Variants in ABTB2 observed in about 807,000 individuals in gnomAD.
ABTB2 encodes ankyrin repeat and BTB/POZ domain-containing protein 2.
ABTB2 carries 56 observed loss-of-function variants against 104.1 expected under a neutral mutation model. That is an observed-to-expected ratio of 0.54 (90% CI 0.43 to 0.67). The LOEUF is 0.67. Ranked by LOEUF, ABTB2 falls within the 30% of genes least tolerant of loss-of-function variation. ABTB2 has a pLI of 0.00. For missense variants in ABTB2, 1,279 were observed against 1,407.7 expected, an observed-to-expected ratio of 0.91 and a Z score of 1.46; for synonymous variants, 606 against 608.2, an observed-to-expected ratio of 1.00 and a Z score of 0.05.
At chr11:34,308,368 T>TTTAG (rs576682064) in intron 1 of ABTB2, among the ~76,000 whole-genome samples, 304 of 152,314 alleles carry the variant, frequency 2.0e-3, no homozygotes, top group African/African-American at 6.6e-3. Context: ...AAATGACAGC[T>TTTAG]AACAGCATTA....
rs368247515 is a variant in ABTB2, at chr11:34,341,253, C to T, written c.883+15448G>A. ...AAACAACTTGAGAGGGGCTAAGTGA[C>T]TTGCCTGAGGCCACGCAGCTTGGAA... On this transcript the variant is annotated intron_variant, in intron 1 of 16. Transcript: ENST00000435224. Among the ~76,000 whole-genome samples, 33 of 152,342 alleles carry T rather than the reference C, an allele frequency of 2.2e-4. No individual in the cohort carries two copies. The South Asian group carries it at 6.8e-3, about 32-fold the overall frequency.
chr11:34,226,814 C>A (rs1179330548), intron 1 of ABTB2, among the ~76,000 whole-genome samples: 1 of 152,078 alleles, frequency 6.6e-6, no homozygotes, highest in African/African-American at 2.4e-5. Context: ...ACCTGTAATC[C>A]CAGCACTTTG....
intron 6 of ABTB2, among the ~76,000 whole-genome samples, chr11:34,167,636 G>T (rs940113752): frequency 6.6e-6 from 1 of 152,182 alleles, no homozygotes; most frequent in Non-Finnish European, 1.5e-5. Context: ...AGATTAGGCT[G>T]GTAAAAGGAG....
intron 5 of ABTB2, among the ~76,000 whole-genome samples, chr11:34,169,312 A>G (rs972136688): frequency 2.0e-5 from 3 of 152,194 alleles, no homozygotes; most frequent in Non-Finnish European, 4.4e-5. Context: ...GCTCGCAGAT[A>G]TCAGGCATCA....
intron 1 of ABTB2, among the ~76,000 whole-genome samples, chr11:34,331,799 C>T (rs1006990022): frequency 3.3e-5 from 5 of 152,034 alleles, no homozygotes; most frequent in South Asian, 2.1e-4. Flanking sequence ...TGCAAGACTG[C>T]GGGAAAAAGA....
chr11:34,182,927 C>T (rs1334017778), intron 3 of ABTB2, among the ~76,000 whole-genome samples: 1 of 152,084 alleles, frequency 6.6e-6, no homozygotes, highest in Non-Finnish European at 1.5e-5. Context: ...CTATGTCATG[C>T]ACCTGCCAAG....
chr11:34,244,989 C>G (rs937922888), intron 1 of ABTB2, among the ~76,000 whole-genome samples: 1 of 152,078 alleles, frequency 6.6e-6, no homozygotes, highest in African/African-American at 2.4e-5. Flanking sequence ...GTCTGGATGA[C>G]AGAGTGAGAA....
Position 34,154,450 on chromosome 11 carries a change from G to T in ABTB2, c.2767-72C>A. 8.9e-7 allele frequency: 1 copy of T among 1,128,560 alleles called. No individual in the cohort carries two copies. The highest frequency in any genetic ancestry group is 1.3e-6 in the Non-Finnish European group (1 of 770,036). 69.9% of individuals were successfully genotyped at this position (1,128,560 alleles called of 1,614,324 possible). A position where few individuals can be genotyped will look rare whatever the true frequency, so the allele number is the denominator to read the frequency against. ...TGGCCCAGACAGCACCGAACAGAAA[G>T]CTCCCGAGTGCCGTGTGCCCTGCTG... On this transcript the variant is annotated intron_variant, in intron 15 of 16. Transcript: ENST00000435224. The surrounding 1 kb of genome is among the most constrained non-coding windows in gnomAD (Gnocchi z 4.9).
In ABTB2 at chr11:34,222,446, G is replaced by A. The variant is rs118160169; in HGVS notation, c.884-17756C>T. Reference sequence around the variant, plus strand: ...GGAGGAAGTCCATTCAGATGGCTGGGGAGCCTTAGAATTTTAATTTTGGTT... The same window carrying A: ...GGAGGAAGTCCATTCAGATGGCTGGAGAGCCTTAGAATTTTAATTTTGGTT... On this transcript the variant is annotated intron_variant, in intron 1 of 16. Coordinates refer to ENST00000435224, the MANE Select transcript of ABTB2 (RefSeq NM_145804.3). 3.2e-4 allele frequency among the ~76,000 whole-genome samples: 48 copies of A among 152,298 alleles called. No individual in the cohort carries two copies. The East Asian group carries it at 8.9e-3, about 28-fold the overall frequency.
intron 1 of ABTB2, among the ~76,000 whole-genome samples, chr11:34,231,789 G>A (rs1853772552): frequency 6.6e-6 from 1 of 152,138 alleles, no homozygotes; most frequent in African/African-American, 2.4e-5. Flanking sequence ...GGCCGATAGT[G>A]TGTATTCTTG....
chr11:34,183,105 T>C (rs2133025907), intron 3 of ABTB2, among the ~76,000 whole-genome samples: 1 of 152,078 alleles, frequency 6.6e-6, no homozygotes, highest in South Asian at 2.1e-4. Flanking sequence ...CTGGATGACT[T>C]TTTTTTTCCT....
chr11:34,155,865 G>A (rs1248078963), intron 14 of ABTB2, among the ~76,000 whole-genome samples: 1 of 152,258 alleles, frequency 6.6e-6, no homozygotes, highest in Admixed American at 6.5e-5. Flanking sequence ...GCTCCCTCCA[G>A]ATAGTGTGTG....
intron 1 of ABTB2, among the ~76,000 whole-genome samples, chr11:34,253,457 C>G (rs1235640780): frequency 6.6e-6 from 1 of 152,100 alleles, no homozygotes; most frequent in Non-Finnish European, 1.5e-5. Context: ...GCGGGCAGAT[C>G]ACAAGATCAG....
intron 1 of ABTB2, among the ~76,000 whole-genome samples, chr11:34,229,134 A>AAAG (rs537214230): frequency 6.2e-5 from 9 of 144,374 alleles, no homozygotes; most frequent in African/African-American, 1.0e-4. Context: ...AAAAAAAAAA[A>AAAG]AGAGAAAAAA....
chr11:34,177,266 C>G (rs945058789), intron 3 of ABTB2, among the ~76,000 whole-genome samples: 1 of 152,176 alleles, frequency 6.6e-6, no homozygotes, highest in Non-Finnish European at 1.5e-5. Flanking sequence ...CTGCCTCATG[C>G]TCCTTAGAAC....
chr11:34,181,357 C>T (rs1195065620), intron 3 of ABTB2, among the ~76,000 whole-genome samples: 1 of 152,208 alleles, frequency 6.6e-6, no homozygotes, highest in Non-Finnish European at 1.5e-5. Context: ...GGAAACCCCT[C>T]CAGTTTCCAG....
At position 34,235,418 on chromosome 11, in the gene ABTB2, C is replaced by T. The variant is rs566827794; in HGVS notation, c.884-30728G>A. On this transcript the variant is annotated intron_variant, in intron 1 of 16. Transcript: ENST00000435224. ...TTCTCTGTAGTGGTTATGAACATAT[C>T]GCATAAAGCACTAAACCCAATGCCT... Among the ~76,000 whole-genome samples, 155 of 152,278 alleles carry T rather than the reference C, an allele frequency of 1.0e-3. 1 individual carries two copies. The highest frequency in any genetic ancestry group is 3.0e-3 in the African/African-American group (124 of 41,542).
chr11:34,220,283 T>C (rs540252595), intron 1 of ABTB2, among the ~76,000 whole-genome samples: 2 of 152,316 alleles, frequency 1.3e-5, no homozygotes, highest in African/African-American at 4.8e-5. Context: ...TTCCTTCTCC[T>C]TCTTGGCTGA....
intron 3 of ABTB2, among the ~76,000 whole-genome samples, chr11:34,195,025 G>A (rs958802537): frequency 6.8e-6 from 1 of 148,134 alleles, no homozygotes; most frequent in Non-Finnish European, 1.5e-5. Context: ...AGTACAGGGG[G>A]CTGGGAACCC....
Sources: gnomAD v4.1 joint callset for allele counts (sites outside exome capture counted in the v4.1 genomes callset) on GRCh38, gnomAD v4.1.1 for gene constraint, Gnocchi (gnomAD v3.1) non-coding constraint, MANE v1.5 for transcripts, NCBI Gene and HGNC (gene_info 2026-07-23, HGNC 2026-07-21) for gene names.